TRMT9B: variants seen among roughly 807,000 people sequenced by gnomAD.
The protein encoded by TRMT9B is probable tRNA methyltransferase 9B.
Under a neutral mutation model 11.5 loss-of-function variants are expected in TRMT9B, and 16 were observed. That is an observed-to-expected ratio of 1.39 (90% CI 0.94 to 2.11). The LOEUF (loss-of-function observed/expected upper bound fraction) is 2.11. Ranked by LOEUF, TRMT9B falls within the 30% of genes most tolerant of loss-of-function variation. The pLI is 0.00. For missense variants in TRMT9B, 941 were observed against 553.8 expected, an observed-to-expected ratio of 1.70 and a Z score of -7.02; for synonymous variants, 274 against 192.4, an observed-to-expected ratio of 1.42 and a Z score of -3.51.
At chr8:12,977,840 C>G (rs1211962415) in intron 1 of TRMT9B, among the ~76,000 whole-genome samples, 1 of 143,764 alleles carries the variant, frequency 7.0e-6, no homozygotes, top group Non-Finnish European at 1.5e-5. Flanking sequence ...TATAGCAAGA[C>G]CCTATCTCTA....
At chr8:13,017,081 C>T (rs374191161) in intron 4 of TRMT9B, among the ~76,000 whole-genome samples, 1 of 144,620 alleles carries the variant, frequency 6.9e-6, no homozygotes, top group South Asian at 2.2e-4. Flanking sequence ...CCAGGTCACA[C>T]CACTGCACTC....
intron 1 of TRMT9B, among the ~76,000 whole-genome samples, chr8:12,982,626 C>T (rs1324937380): frequency 1.3e-5 from 2 of 151,416 alleles, no homozygotes; most frequent in African/African-American, 4.9e-5. Context: ...TGCGCCACTG[C>T]ACTCCAGCCT....
chr8:13,002,090 A>G (rs1387617688), intron 2 of TRMT9B, among the ~76,000 whole-genome samples: 1 of 152,246 alleles, frequency 6.6e-6, no homozygotes, highest in African/African-American at 2.4e-5. Flanking sequence ...ATAGATTTAT[A>G]TTACTTATAC....
chr8:12,991,191 A>T (rs1807267719), intron 2 of TRMT9B, among the ~76,000 whole-genome samples, 160 bp downstream of exon 2: 1 of 152,238 alleles, frequency 6.6e-6, no homozygotes, highest in Non-Finnish European at 1.5e-5. Flanking sequence ...GGTGGAAAAC[A>T]GTATTTGAAA....
intron 1 of TRMT9B, among the ~76,000 whole-genome samples, chr8:12,948,943 G>T (rs1346198790): frequency 1.3e-5 from 2 of 152,172 alleles, no homozygotes; most frequent in African/African-American, 4.8e-5. Context: ...CTGGGTGACA[G>T]GGCAAGACTC....
At position 13,021,701 on chromosome 8, in the gene TRMT9B, TGAG is replaced by T; in HGVS notation, c.1026_1028del (p.Arg343del). 1.2e-6 allele frequency: 2 copies of T among 1,613,748 alleles called. No individual in the cohort carries two copies. The highest frequency in any genetic ancestry group is 1.7e-6 in the Non-Finnish European group (2 of 1,179,852). ...TTAAATGGAGACCATCAAGGGGAAA[TGAG>T]GAGAAATGGAGGGGGAAATTTTCTG... On this transcript the variant is annotated inframe_deletion, in exon 5 of 5. Coordinates refer to ENST00000524591, the MANE Select transcript of TRMT9B (RefSeq NM_020844.3).
At chr8:12,999,809 G>C (rs527438767) in intron 2 of TRMT9B, among the ~76,000 whole-genome samples, 2 of 152,196 alleles carry the variant, frequency 1.3e-5, no homozygotes, top group South Asian at 4.1e-4. Flanking sequence ...GGAGAAGACT[G>C]TAGGTAGAAG....
At chr8:13,020,176 G>C (rs1372561608) in intron 4 of TRMT9B, among the ~76,000 whole-genome samples, 5 of 152,146 alleles carry the variant, frequency 3.3e-5, no homozygotes, top group African/African-American at 9.7e-5. Context: ...ATCAAAACAA[G>C]AATCTTCCAA....
At position 12,992,830 on chromosome 8, in the gene TRMT9B, C is replaced by G. The variant is rs1170008978; in HGVS notation, c.-2+1799C>G. On this transcript the variant is annotated intron_variant, in intron 2 of 4. Coordinates refer to ENST00000524591, the MANE Select transcript of TRMT9B (RefSeq NM_020844.3). ...GTTGCAGTGAGCAGAGATCATGCCA[C>G]TACACTCCAGCCTAGGAGACAGAGC... 2.0e-5 allele frequency among the ~76,000 whole-genome samples: 3 copies of G among 152,200 alleles called. No homozygotes were observed. In the East Asian group the frequency reaches 5.8e-4, roughly 29 times the overall value.
intron 2 of TRMT9B, among the ~76,000 whole-genome samples, chr8:13,004,418 T>G (rs1449666933): frequency 6.6e-6 from 1 of 151,404 alleles, no homozygotes; most frequent in Non-Finnish European, 1.5e-5. Flanking sequence ...TTCCTTCTGC[T>G]TGAGGAGAGG....
chr8:13,004,857 A>T (rs1205693820), intron 2 of TRMT9B, among the ~76,000 whole-genome samples: 1 of 151,982 alleles, frequency 6.6e-6, no homozygotes, highest in Non-Finnish European at 1.5e-5. Flanking sequence ...GGGTCTTTGG[A>T]AAGGGGAGGG....
intron 1 of TRMT9B, among the ~76,000 whole-genome samples, chr8:12,953,399 G>C (rs186670971): frequency 1.3e-5 from 2 of 152,034 alleles, no homozygotes; most frequent in African/African-American, 4.8e-5. Context: ...GCCTAGGCTG[G>C]GGTGCAGTGG....
intron 1 of TRMT9B, among the ~76,000 whole-genome samples, chr8:12,956,278 G>A (rs935713164): frequency 1.3e-5 from 2 of 152,158 alleles, no homozygotes; most frequent in African/African-American, 4.8e-5. Context: ...GATTTGGCTA[G>A]AGTATTTATT....
chr8:12,955,462 A>G (rs1407517254), intron 1 of TRMT9B, among the ~76,000 whole-genome samples: 1 of 152,012 alleles, frequency 6.6e-6, no homozygotes, highest in Non-Finnish European at 1.5e-5. Context: ...GGTCCCGATC[A>G]TTATTTCCCA....
At chr8:12,980,681 G>A (rs1279837943) in intron 1 of TRMT9B, among the ~76,000 whole-genome samples, 2 of 152,172 alleles carry the variant, frequency 1.3e-5, no homozygotes, top group African/African-American at 4.8e-5. Flanking sequence ...GAGCACAGGA[G>A]ACGAATCCTA....
intron 1 of TRMT9B, among the ~76,000 whole-genome samples, chr8:12,947,663 G>A (rs1006934297): frequency 6.6e-6 from 1 of 152,194 alleles, no homozygotes. Flanking sequence ...ATGAGGATAA[G>A]TAAAATAATG....
intron 1 of TRMT9B, among the ~76,000 whole-genome samples, chr8:12,970,666 T>G (rs1309604605): frequency 6.6e-6 from 1 of 152,220 alleles, no homozygotes; most frequent in African/African-American, 2.4e-5. Flanking sequence ...ATTAAGGTCC[T>G]AAAAATATCC....
chr8:13,004,643 G>A (rs548201848), intron 2 of TRMT9B, among the ~76,000 whole-genome samples: 2 of 152,060 alleles, frequency 1.3e-5, no homozygotes, highest in African/African-American at 4.8e-5. Flanking sequence ...AGAGCCCTTT[G>A]GCCCTGAATA....
At position 13,025,711 on chromosome 8, in the gene TRMT9B, A is replaced by G. The variant is rs949256744; in HGVS notation, c.*3667A>G. 2 of 167,050 alleles carry G rather than the reference A, an allele frequency of 1.2e-5. No individual in the cohort carries two copies. Among genetic ancestry groups the G allele is most frequent in the African/African-American group, 4.8e-5 (2 of 41,474 alleles). 10.3% of individuals were successfully genotyped at this position (167,050 alleles called of 1,614,324 possible). On this transcript the variant is annotated 3_prime_UTR_variant, in exon 5 of 5. Coordinates refer to ENST00000524591, the MANE Select transcript of TRMT9B (RefSeq NM_020844.3). ...GCCAGTATAGTGATGATATGACACC[A>G]GCATATCAAAGTAACTAACAAACTA...
Sources: allele counts gnomAD v4.1 joint callset (sites outside exome capture counted in the v4.1 genomes callset), GRCh38; gene constraint gnomAD v4.1.1; transcripts MANE v1.5; gene names NCBI Gene and HGNC (gene_info 2026-07-23, HGNC 2026-07-21).